OCA2: variants seen among roughly 807,000 people sequenced by gnomAD.
OCA2 encodes the protein P protein.
A neutral mutation model predicts 100.2 loss-of-function variants in OCA2; 77 were observed. That is an observed-to-expected ratio of 0.77 (90% CI 0.64 to 0.93). OCA2 has a LOEUF of 0.93. Ranked by LOEUF, OCA2 falls within the 40% of genes least tolerant of loss-of-function variation. OCA2 has a pLI of 0.00. For synonymous variants in OCA2, 432 were observed against 439.2 expected (o/e 0.98, Z 0.21); for missense variants, 1,062 against 1,089.1 (o/e 0.98, Z 0.35).
intron 23 of OCA2, among the ~76,000 whole-genome samples, chr15:27,803,842 G>A (rs769643001): frequency 6.6e-6 from 1 of 152,270 alleles, no homozygotes; most frequent in Non-Finnish European, 1.5e-5. Context: ...TGACAAAGAC[G>A]TAGAGAAATG....
At chr15:27,890,029 A>G (rs1225233006) in intron 19 of OCA2, among the ~76,000 whole-genome samples, 2 of 152,242 alleles carry the variant, frequency 1.3e-5, no homozygotes, top group African/African-American at 2.4e-5. Flanking sequence ...GCAGTGGAAG[A>G]GCAAGCCCAA....
intron 14 of OCA2, among the ~76,000 whole-genome samples, chr15:27,977,466 T>G (rs953405662): frequency 6.6e-6 from 1 of 152,156 alleles, no homozygotes; most frequent in African/African-American, 2.4e-5. Flanking sequence ...GCTGCTTTCT[T>G]GCTATATAGT....
chr15:28,047,088 A>G (rs1308468638), intron 2 of OCA2, among the ~76,000 whole-genome samples: 1 of 152,200 alleles, frequency 6.6e-6, no homozygotes, highest in East Asian at 1.9e-4. Context: ...TCAGGCCCTG[A>G]CACATGCCCT....
At chr15:27,850,539 G>A (rs575932345) in intron 22 of OCA2, among the ~76,000 whole-genome samples, 11 of 151,986 alleles carry the variant, frequency 7.2e-5, no homozygotes, top group South Asian at 2.1e-4. Flanking sequence ...CTACACTCTC[G>A]GAAGAACTTG....
At position 27,943,850 on chromosome 15, in the gene OCA2, A is replaced by G. The variant is rs144398946; in HGVS notation, c.1951+7934T>C. ...CCTGCCCCCTGCTTCGAGTTGTCGC[A>G]CCTTGCCGGACTGAACCAATACACA... On this transcript the variant is annotated intron_variant, in intron 18 of 23. Transcript: ENST00000354638. Among the ~76,000 whole-genome samples the G allele has an allele frequency of 1.5e-3, 225 of 152,186 alleles. 1 individual carries two copies. Among genetic ancestry groups the G allele is most frequent in the African/African-American group, 5.0e-3 (208 of 41,510 alleles).
At chr15:27,833,791 C>T (rs1359076346) in intron 23 of OCA2, among the ~76,000 whole-genome samples, 1 of 152,134 alleles carries the variant, frequency 6.6e-6, no homozygotes. Context: ...TATAAAGAAA[C>T]ACTGACAGTG....
chr15:27,761,420 C>T (rs2030827888), intron 23 of OCA2, among the ~76,000 whole-genome samples: 1 of 150,750 alleles, frequency 6.6e-6, no homozygotes, highest in Non-Finnish European at 1.5e-5. Flanking sequence ...TAACTTACAG[C>T]ACACCAGCAT....
intron 21 of OCA2, among the ~76,000 whole-genome samples, chr15:27,864,583 GC>G (rs1397643587): frequency 6.6e-6 from 1 of 152,116 alleles, no homozygotes; most frequent in Non-Finnish European, 1.5e-5. Flanking sequence ...TGCAAAGAAA[GC>G]CGGGGAAAGG....
At chr15:28,079,732 G>A (rs576800207) in intron 2 of OCA2, among the ~76,000 whole-genome samples, 1 of 152,254 alleles carries the variant, frequency 6.6e-6, no homozygotes, top group South Asian at 2.1e-4. Flanking sequence ...CTCAGCCTAG[G>A]TAGTTGCCAG....
chr15:28,049,626 C>A (rs1381947327), intron 2 of OCA2, among the ~76,000 whole-genome samples: 1 of 152,262 alleles, frequency 6.6e-6, no homozygotes, highest in African/African-American at 2.4e-5. Context: ...ACATCATTTA[C>A]TCATAAAAGG....
chr15:27,909,253 G>T (rs982947003), intron 19 of OCA2, among the ~76,000 whole-genome samples: 4 of 152,138 alleles, frequency 2.6e-5, no homozygotes, highest in Admixed American at 2.6e-4. Flanking sequence ...CACAGAAGTA[G>T]ACTTGATCAA....
rs548798420 is a variant in OCA2, at chr15:28,078,740, C to T, written c.227+2908G>A. The stretch of plus-strand genomic sequence containing the variant: ...AGGTCAGCTGTGCCCAGATTTCTGA[C>T]CCATGAAACTGAGAAAATAAATATG... On this transcript the variant is annotated intron_variant, in intron 2 of 23. Coordinates refer to ENST00000354638, the MANE Select transcript of OCA2 (RefSeq NM_000275.3). Among the ~76,000 whole-genome samples, 3 of 152,196 alleles carry T rather than the reference C, an allele frequency of 2.0e-5. No individual in the cohort carries two copies. In the South Asian group the frequency reaches 6.2e-4, roughly 32 times the overall value.
At chr15:28,088,530 T>C (rs1056782420) in intron 1 of OCA2, among the ~76,000 whole-genome samples, 1 of 152,114 alleles carries the variant, frequency 6.6e-6, no homozygotes, top group African/African-American at 2.4e-5. Context: ...ATATTTCATG[T>C]AGGTTCTTTT....
chr15:27,901,683 C>A (rs536535900), intron 19 of OCA2, among the ~76,000 whole-genome samples: 1 of 152,314 alleles, frequency 6.6e-6, no homozygotes, highest in East Asian at 1.9e-4. Flanking sequence ...TAGACAATAA[C>A]CTAAATGTCA....
chr15:27,967,901 A>C (rs919442507), intron 14 of OCA2, among the ~76,000 whole-genome samples: 1 of 152,072 alleles, frequency 6.6e-6, no homozygotes, highest in African/African-American at 2.4e-5. Flanking sequence ...CTGTTCTTTC[A>C]CTGACGTCCT....
chr15:27,818,157 A>T (rs1283342562), intron 23 of OCA2, among the ~76,000 whole-genome samples: 2 of 152,196 alleles, frequency 1.3e-5, no homozygotes, highest in Non-Finnish European at 2.9e-5. Context: ...TGGGAGACTG[A>T]GGCGGGTAGA....
rs762764142 is a variant in OCA2 at position 28,022,553 on chromosome 15, C to T, written c.594G>A (p.Pro198=). 9 of 1,613,634 alleles carry T rather than the reference C, an allele frequency of 5.6e-6. No homozygotes were observed. Among genetic ancestry groups the T allele is most frequent in the East Asian group, 2.2e-5 (1 of 44,888 alleles). ...VLCSILFSLY[P]DQGKLWQLLA... ...ACAGCTGCCAGAGCTTTCCTTGATC[C>T]GGATATAGGCTGAACAAAATCTGTA... Residue 198 remains proline (P), a synonymous_variant, in exon 6 of 24, where the codon CCG becomes CCA. Coordinates refer to ENST00000354638, the MANE Select transcript of OCA2 (RefSeq NM_000275.3).
chr15:27,957,900 T>C lies in OCA2; in HGVS notation c.1637-165A>G, dbSNP rs373781351. Among the ~76,000 whole-genome samples, 17 of 152,210 alleles carry C rather than the reference T, an allele frequency of 1.1e-4. No individual in the cohort carries two copies. In the South Asian group the frequency reaches 2.1e-3, roughly 19 times the overall value. Reference sequence around the variant, plus strand: ...CTTCTCAGCACCTGAGCTATTGCAATGGAGCCCAGACGACAAAGCCGACAT... The same window carrying C: ...CTTCTCAGCACCTGAGCTATTGCAACGGAGCCCAGACGACAAAGCCGACAT... On this transcript the variant is annotated intron_variant, in intron 15 of 23. Transcript: ENST00000354638. This position sits in a 1 kb window ranked among gnomAD's most constrained non-coding sequence, Gnocchi z 4.3.
chr15:28,072,032 T>A (rs1474501809), intron 2 of OCA2, among the ~76,000 whole-genome samples: 1 of 152,110 alleles, frequency 6.6e-6, no homozygotes, highest in Non-Finnish European at 1.5e-5. Context: ...AGGCCTAATA[T>A]CCGGAATCTA....
Sources: gnomAD v4.1 joint callset for allele counts (sites outside exome capture counted in the v4.1 genomes callset) on GRCh38, gnomAD v4.1.1 for gene constraint, Gnocchi (gnomAD v3.1) non-coding constraint, MANE v1.5 for transcripts, NCBI Gene and HGNC (gene_info 2026-07-23, HGNC 2026-07-21) for gene names.